Variants in HS3ST4 observed in about 807,000 individuals in gnomAD.
The protein encoded by HS3ST4 is heparan sulfate glucosamine 3-O-sulfotransferase 4.
In HS3ST4, 17 loss-of-function variants were observed where a neutral mutation model predicts 29.2. The observed-to-expected ratio is 0.58, with a 90% CI of 0.40 to 0.87. The LOEUF is 0.87. Among genes scored for constraint, HS3ST4 ranks in the 40% least tolerant of loss-of-function variants. HS3ST4 has a pLI of 0.00. For missense variants in HS3ST4, 627 were observed against 634.5 expected, an observed-to-expected ratio of 0.99 and a Z score of 0.13; for synonymous variants, 314 against 285.7, an observed-to-expected ratio of 1.10 and a Z score of -1.00.
chr16:26,046,437 C>A (rs1426259445), intron 1 of HS3ST4, among the ~76,000 whole-genome samples: 1 of 152,148 alleles, frequency 6.6e-6, no homozygotes, highest in Non-Finnish European at 1.5e-5. Context: ...AGGCATGAGC[C>A]ACGGTACCCG....
intron 1 of HS3ST4, among the ~76,000 whole-genome samples, chr16:25,951,367 G>A (rs1001420066): frequency 2.6e-5 from 4 of 152,170 alleles, no homozygotes; most frequent in East Asian, 1.9e-4. Flanking sequence ...TTCTACAATC[G>A]AGTTGATATT....
At chr16:25,966,022 G>A (rs1447148314) in intron 1 of HS3ST4, among the ~76,000 whole-genome samples, 1 of 152,120 alleles carries the variant, frequency 6.6e-6, no homozygotes, top group African/African-American at 2.4e-5. Flanking sequence ...TTGAAAAATG[G>A]TAACTAACAT....
At chr16:26,104,102 G>T (rs1265280585) in intron 1 of HS3ST4, among the ~76,000 whole-genome samples, 2 of 152,172 alleles carry the variant, frequency 1.3e-5, no homozygotes, top group Non-Finnish European at 2.9e-5. Context: ...TAACCACTAG[G>T]TGAGTTGCTG....
intron 1 of HS3ST4, among the ~76,000 whole-genome samples, chr16:25,731,304 A>G (rs915745830): frequency 5.3e-5 from 8 of 152,060 alleles, no homozygotes; most frequent in African/African-American, 1.9e-4. Flanking sequence ...AGTATTTGGT[A>G]TGGCCTAATT....
intron 1 of HS3ST4, among the ~76,000 whole-genome samples, chr16:26,063,745 T>C (rs1011352079): frequency 9.2e-5 from 14 of 152,046 alleles, no homozygotes; most frequent in Non-Finnish European, 1.2e-4. Flanking sequence ...CACAGAACCA[T>C]ATTAAGCTGA....
At chr16:26,118,349 A>C (rs1270957826) in intron 1 of HS3ST4, among the ~76,000 whole-genome samples, 1 of 152,192 alleles carries the variant, frequency 6.6e-6, no homozygotes, top group Non-Finnish European at 1.5e-5. Flanking sequence ...CAAAGTTCAA[A>C]GGGCTGGGAT....
At chr16:25,908,774 G>A (rs926177309) in intron 1 of HS3ST4, among the ~76,000 whole-genome samples, 3 of 152,194 alleles carry the variant, frequency 2.0e-5, no homozygotes, top group Non-Finnish European at 4.4e-5. Context: ...CTGCAGGTGA[G>A]GTAGCAAAAG....
chr16:25,761,305 T>C (rs1966787401), intron 1 of HS3ST4, among the ~76,000 whole-genome samples: 1 of 152,228 alleles, frequency 6.6e-6, no homozygotes, highest in Admixed American at 6.5e-5. Flanking sequence ...GGAAATGTTC[T>C]CTGTGCTGTC....
intron 1 of HS3ST4, among the ~76,000 whole-genome samples, chr16:26,131,991 C>A (rs1342327714): frequency 6.6e-6 from 1 of 152,186 alleles, no homozygotes; most frequent in South Asian, 2.1e-4. Flanking sequence ...TGGAACAAAT[C>A]TTTAGCTTCT....
chr16:25,813,793 C>T (rs778281333), intron 1 of HS3ST4, among the ~76,000 whole-genome samples: 17 of 152,188 alleles, frequency 1.1e-4, no homozygotes, highest in Non-Finnish European at 1.8e-4. Flanking sequence ...ATGTTCACAG[C>T]AGCTTTATTT....
chr16:26,045,915 ATT>A (rs1396872029), intron 1 of HS3ST4, among the ~76,000 whole-genome samples: 1 of 152,140 alleles, frequency 6.6e-6, no homozygotes, highest in African/African-American at 2.4e-5. Flanking sequence ...CCAACCATTT[ATT>A]CATTTCAGTT....
At chr16:25,743,705 C>T (rs1462228870) in intron 1 of HS3ST4, among the ~76,000 whole-genome samples, 1 of 152,034 alleles carries the variant, frequency 6.6e-6, no homozygotes, top group Non-Finnish European at 1.5e-5. Flanking sequence ...GGGTTTTCAC[C>T]ATGTTAGCCA....
At chr16:25,838,721 G>A (rs1967385570) in intron 1 of HS3ST4, among the ~76,000 whole-genome samples, 1 of 152,184 alleles carries the variant, frequency 6.6e-6, no homozygotes, top group Admixed American at 6.5e-5. Context: ...TTCCAGAGAA[G>A]CTAGAATAGG....
rs149616398 is a variant in HS3ST4, at chr16:26,056,547, G to A, written c.735-79065G>A. Among the ~76,000 whole-genome samples the A allele has an allele frequency of 1.9e-3, 287 of 152,346 alleles. 1 individual carries two copies. The highest frequency in any genetic ancestry group is 6.1e-3 in the African/African-American group (252 of 41,578). Reference sequence around the variant, plus strand: ...CCATTGCAAGGCAGCAAAGCTGTGTGTTTAGACAGTGCTCTTCCCTCTAGT... The same window carrying A: ...CCATTGCAAGGCAGCAAAGCTGTGTATTTAGACAGTGCTCTTCCCTCTAGT... On this transcript the variant is annotated intron_variant, in intron 1 of 1. Coordinates refer to ENST00000331351, the MANE Select transcript of HS3ST4 (RefSeq NM_006040.3).
intron 1 of HS3ST4, among the ~76,000 whole-genome samples, chr16:25,805,180 A>G (rs1966977854): frequency 6.6e-6 from 1 of 152,208 alleles, no homozygotes; most frequent in South Asian, 2.1e-4. Flanking sequence ...AAGGATTATA[A>G]TCCCAGATGC....
At chr16:25,705,067 G>T (rs2141582312) in intron 1 of HS3ST4, among the ~76,000 whole-genome samples, 1 of 152,218 alleles carries the variant, frequency 6.6e-6, no homozygotes, top group South Asian at 2.1e-4. Context: ...TAGCACAGTT[G>T]TAGGAGATGA....
intron 1 of HS3ST4, among the ~76,000 whole-genome samples, chr16:26,067,102 A>C (rs138029376): frequency 2.4e-3 from 365 of 152,310 alleles, no homozygotes; most frequent in African/African-American, 8.5e-3. Context: ...CTGGTTGCCC[A>C]GAGGGGTGGT....
intron 1 of HS3ST4, among the ~76,000 whole-genome samples, chr16:25,966,106 C>T (rs1471212864): frequency 6.6e-6 from 1 of 152,126 alleles, no homozygotes. Flanking sequence ...ATTTAATTTT[C>T]ATAGGAATCC....
intron 1 of HS3ST4, among the ~76,000 whole-genome samples, chr16:25,824,004 CAA>C (rs1408471340): frequency 3.3e-5 from 5 of 152,134 alleles, no homozygotes; most frequent in African/African-American, 9.7e-5. Flanking sequence ...GAGAGGGAAA[CAA>C]GAGTGAACTG....
Sources: gnomAD v4.1 joint callset for allele counts (sites outside exome capture counted in the v4.1 genomes callset) on GRCh38, gnomAD v4.1.1 for gene constraint, MANE v1.5 for transcripts, NCBI Gene and HGNC (gene_info 2026-07-23, HGNC 2026-07-21) for gene names.